TEX46: variants seen among roughly 807,000 people sequenced by gnomAD.
TEX46 encodes testis-expressed protein 46.
Under a neutral mutation model 5.3 loss-of-function variants are expected in TEX46, and 6 were observed. That is an observed-to-expected ratio of 1.13 (90% CI 0.62 to 2.23). The LOEUF is 2.23. Among genes scored for constraint, TEX46 ranks in the 30% most tolerant of loss-of-function variants. TEX46 has a pLI of 0.00. For synonymous variants in TEX46, 41 were observed against 54.6 expected (o/e 0.75, Z 1.10); for missense variants, 131 against 150.9 (o/e 0.87, Z 0.69).
intron 2 of TEX46, among the ~76,000 whole-genome samples, chr1:23,012,633 T>C (rs1641368593): frequency 6.6e-6 from 1 of 152,144 alleles, no homozygotes; most frequent in Non-Finnish European, 1.5e-5. Context: ...CAGGGGACAT[T>C]TGGCAATATC....
chr1:23,014,402 A>G (rs1449970014), intron 1 of TEX46, among the ~76,000 whole-genome samples: 1 of 152,196 alleles, frequency 6.6e-6, no homozygotes, highest in Non-Finnish European at 1.5e-5. Context: ...AAGAAAAGTT[A>G]TCCAAACTTA....
rs148537028 is a variant in TEX46, at chr1:23,011,009, G to C, written c.258C>G (p.His86Gln). 3.3e-6 allele frequency: 5 copies of C among 1,535,836 alleles called. No individual in the cohort carries two copies. The highest frequency in any genetic ancestry group is 4.4e-6 in the Non-Finnish European group (5 of 1,146,698). ...AATTCCGATGTCTGCTTGACCGCCC[G>C]TGGTGATTCATTTTATTCCATATGA... ...MFIIWNKMNH[H>Q]GRSSRHRNFP... Residue 86 changes from histidine (H) to glutamine (Q), a missense_variant, in exon 3 of 3, where the codon CAC becomes CAG. His to Gln is a conservative substitution (Grantham distance 24). Coordinates refer to ENST00000566855, the MANE Select transcript of TEX46 (RefSeq NM_001242521.2).
In TEX46 at chr1:23,010,882, C is replaced by G; in HGVS notation, c.*19G>C. The G allele has an allele frequency of 6.6e-7, 1 of 1,516,550 alleles. No individual in the cohort carries two copies. The highest frequency in any genetic ancestry group is 8.8e-7 in the Non-Finnish European group (1 of 1,131,210). The allele number at this position is 1,516,550 out of a possible 1,614,324, so 93.9% of individuals were successfully genotyped here. ...AGGTAAAAGGTAACATCGGCAGAGG[C>G]CAGCCCGCCTCGGCCTCATTAGCTG... is the stretch of plus-strand genomic sequence containing the variant. On this transcript the variant is annotated 3_prime_UTR_variant, in exon 3 of 3. Transcript: ENST00000566855.
rs1314520204 is a variant in TEX46 at position 23,011,065 on chromosome 1, TC to T, written c.201del (p.Met67IlefsTer3). ...EILQRLLFSE[M>X]KMKVLENQMF... ...ATCTGATTTTCTAGGACCTTCATCT[TC>T]ATTTCACTGAACAACAGCCGTTGGA... On this transcript the variant is annotated frameshift_variant, in exon 3 of 3. Transcript: ENST00000566855. LOFTEE classifies it low-confidence loss of function (END_TRUNC). 1 of 1,535,946 alleles carries T rather than the reference TC, an allele frequency of 6.5e-7. No homozygotes were observed.
Position 23,011,069 on chromosome 1 carries a change from T to G in TEX46, c.198A>C (p.Glu66Asp). The change falls in exon 3 of 3, where the codon GAA becomes GAC. Residue 66 changes from glutamate (E) to aspartate (D), a missense_variant. Glu to Asp is a conservative substitution (Grantham distance 45). Coordinates refer to ENST00000566855, the MANE Select transcript of TEX46 (RefSeq NM_001242521.2). ...DEILQRLLFS[E>D]MKMKVLENQM... ...GATTTTCTAGGACCTTCATCTTCAT[T>G]TCACTGAACAACAGCCGTTGGAGGA... 1 of 1,536,050 alleles carries G rather than the reference T, an allele frequency of 6.5e-7. No individual in the cohort carries two copies. Among genetic ancestry groups the G allele is most frequent in the Non-Finnish European group, 8.7e-7 (1 of 1,146,848 alleles).
At chr1:23,013,464 C>A (rs368946304) in intron 2 of TEX46, among the ~76,000 whole-genome samples, 1 of 152,200 alleles carries the variant, frequency 6.6e-6, no homozygotes, top group African/African-American at 2.4e-5. Flanking sequence ...TGAGCCACTG[C>A]GCCCAGCCTA....
chr1:23,014,447 T>TAGTGGGCCAGTGACCA (rs1553122920), intron 1 of TEX46, among the ~76,000 whole-genome samples: 1 of 152,230 alleles, frequency 6.6e-6, no homozygotes, highest in Non-Finnish European at 1.5e-5. Flanking sequence ...CTAGCCCATC[T>TAGTGGGCCAGTGACCA]ATTGGTCACC....
At position 23,010,976 on chromosome 1, in the gene TEX46, C is replaced by G. The variant is rs756237899; in HGVS notation, c.291G>C (p.Met97Ile). ...GRSSRHRNFP[M>I]KKHRMRRHES... Reference sequence around the variant, plus strand: ...CATGCCTCCTCATTCTGTGTTTTTTCATGGGAAAATTCCGATGTCTGCTTG... The same window carrying G: ...CATGCCTCCTCATTCTGTGTTTTTTGATGGGAAAATTCCGATGTCTGCTTG... The change falls in exon 3 of 3, where the codon ATG becomes ATC. Residue 97 changes from methionine to isoleucine, a missense_variant. By Grantham distance (10) the Met-to-Ile change is conservative (BLOSUM62 1). Coordinates refer to ENST00000566855, the MANE Select transcript of TEX46 (RefSeq NM_001242521.2). 19 of 1,535,640 alleles carry G rather than the reference C, an allele frequency of 1.2e-5. No individual in the cohort carries two copies. The highest frequency in any genetic ancestry group is 1.6e-5 in the Non-Finnish European group (18 of 1,146,620).
chr1:23,015,617 A>G (rs1252516952), intron 1 of TEX46, among the ~76,000 whole-genome samples, 155 bp downstream of exon 1: 2 of 152,158 alleles, frequency 1.3e-5, no homozygotes, highest in Admixed American at 1.3e-4. Flanking sequence ...TCCACAGATG[A>G]ATGGATAATA....
chr1:23,014,080 C>T (rs560996203), intron 1 of TEX46, 35 bp from the exon 2 acceptor site: 78 of 1,527,334 alleles, frequency 5.1e-5, no homozygotes, highest in Non-Finnish European at 6.3e-5. Context: ...AGCATTATGG[C>T]GTGGAGGCAC....
rs1459961112 is a variant in TEX46 at position 23,011,093 on chromosome 1, G to T, written c.174C>A (p.Ile58=). 4 of 1,535,738 alleles carry T rather than the reference G, an allele frequency of 2.6e-6. No homozygotes were observed. Among genetic ancestry groups the T allele is most frequent in the Non-Finnish European group, 3.5e-6 (4 of 1,146,722 alleles). Residue 58 remains isoleucine (I), a synonymous_variant, in exon 3 of 3, where the codon ATC becomes ATA. Coordinates refer to ENST00000566855, the MANE Select transcript of TEX46 (RefSeq NM_001242521.2). ...TTTCACTGAACAACAGCCGTTGGAG[G>T]ATCTCGTCCTGGAGGGCAAAGCAGG... The part of the protein sequence containing the change: ...LTLPEPQQDE[I]LQRLLFSEMK...
At chr1:23,012,108 C>T (rs1316253592) in intron 2 of TEX46, among the ~76,000 whole-genome samples, 3 of 151,832 alleles carry the variant, frequency 2.0e-5, no homozygotes, top group Admixed American at 6.6e-5. Context: ...CCAGCACCTT[C>T]GAAGGCCGAG....
At position 23,015,805 on chromosome 1, in the gene TEX46, C is replaced by T; in HGVS notation, c.-32G>A. ...TCTACAATAGTCAAATTCATAGAGGCAAAGAGTAGAATGGTGGCTGCCAGG... is the reference window on the plus strand; with the variant it reads ...TCTACAATAGTCAAATTCATAGAGGTAAAGAGTAGAATGGTGGCTGCCAGG... On this transcript the variant is annotated 5_prime_UTR_variant, in exon 1 of 3. Transcript: ENST00000566855. The T allele has an allele frequency of 1.4e-6, 1 of 697,976 alleles. No homozygotes were observed. Among genetic ancestry groups the T allele is most frequent in the East Asian group, 2.7e-5 (1 of 37,218 alleles). 43.2% of individuals were successfully genotyped at this position (697,976 alleles called of 1,614,324 possible).
At chr1:23,015,385 G>A (rs937150511) in intron 1 of TEX46, among the ~76,000 whole-genome samples, 1 of 132,570 alleles carries the variant, frequency 7.5e-6, no homozygotes, top group Non-Finnish European at 1.5e-5. Flanking sequence ...GCAGTGAGCC[G>A]AGATCGCGCC....
chr1:23,012,388 T>G (rs1010317332), intron 2 of TEX46, among the ~76,000 whole-genome samples: 4 of 150,728 alleles, frequency 2.7e-5, no homozygotes, highest in African/African-American at 4.9e-5. Context: ...CTGAAAAAAT[T>G]CAACATATCA....
At position 23,010,958 on chromosome 1, in the gene TEX46, C is replaced by T. The variant is rs1298736495; in HGVS notation, c.309G>A (p.Arg103=). 4.6e-6 allele frequency: 7 copies of T among 1,535,568 alleles called. No homozygotes were observed. In the Admixed American group the frequency reaches 5.9e-5, roughly 13 times the overall value. ...RNFPMKKHRM[R]RHESICPTLS... is the part of the protein sequence containing the mutation. ...GGGTGGGGCAAATTGACTCATGCCT[C>T]CTCATTCTGTGTTTTTTCATGGGAA... The change falls in exon 3 of 3, where the codon AGG becomes AGA. Residue 103 remains arginine, a synonymous_variant. Coordinates refer to ENST00000566855, the MANE Select transcript of TEX46 (RefSeq NM_001242521.2).
chr1:23,012,680 G>T (rs1641368940), intron 2 of TEX46, among the ~76,000 whole-genome samples: 1 of 152,302 alleles, frequency 6.6e-6, no homozygotes, highest in Middle Eastern at 3.4e-3. Context: ...TGGCAGGTGT[G>T]CTACTTGGCA....
At chr1:23,014,090 C>T (rs1226498546) in intron 1 of TEX46, 45 bp from the exon 2 acceptor site, 2 of 1,522,558 alleles carry the variant, frequency 1.3e-6, no homozygotes, top group East Asian at 2.5e-5. Context: ...CGTGGAGGCA[C>T]ACAGGCCCCA....
Position 23,015,761 on chromosome 1 carries a change from A to T in TEX46, c.2+11T>A. On this transcript the variant is annotated intron_variant, in intron 1 of 2. Transcript: ENST00000566855. ...ACAAAAAAAAAACAAATACCGTATG[A>T]TTCCACTTACATGAGCTATCTACAA... The T allele has an allele frequency of 1.4e-6, 1 of 698,900 alleles. No homozygotes were observed. The highest frequency in any genetic ancestry group is 2.6e-6 in the Non-Finnish European group (1 of 383,024). The allele number at this position is 698,900 out of a possible 1,614,324, so 43.3% of individuals were successfully genotyped here.
Sources: gnomAD v4.1 joint callset for allele counts (sites outside exome capture counted in the v4.1 genomes callset) on GRCh38, gnomAD v4.1.1 for gene constraint, MANE v1.5 for transcripts, NCBI Gene and HGNC (gene_info 2026-07-23, HGNC 2026-07-21) for gene names.